The following PIGU variants were observed in gnomAD, a reference collection of about 807,000 sequenced individuals.
PIGU encodes the protein phosphatidylinositol glycan anchor biosynthesis class U.
Under a neutral mutation model 49.9 loss-of-function variants are expected in PIGU, and 24 were observed. That is an observed-to-expected ratio of 0.48 (90% CI 0.35 to 0.68). The LOEUF is 0.68. Among genes scored for constraint, PIGU ranks in the 30% least tolerant of loss-of-function variants. The pLI, the probability that PIGU is intolerant of heterozygous loss-of-function variation, is 0.01. For missense variants in PIGU, 490 were observed against 532.6 expected (o/e 0.92, Z 0.79); for synonymous variants, 220 against 205.7 (o/e 1.07, Z -0.59).
intron 1 of PIGU, among the ~76,000 whole-genome samples, chr20:34,661,704 CAATTTCT>C (rs1286827539): frequency 6.6e-6 from 1 of 152,050 alleles, no homozygotes; most frequent in Non-Finnish European, 1.5e-5. Context: ...TAGGGCAGAA[CAATTTCT>C]ATTCCTTTAG....
intron 7 of PIGU, among the ~76,000 whole-genome samples, chr20:34,612,271 G>A (rs957798552): frequency 6.6e-5 from 10 of 152,050 alleles, no homozygotes; most frequent in Non-Finnish European, 4.4e-5. Context: ...ACCAAACATC[G>A]CATGTTCTTA....
intron 9 of PIGU, 75 bp downstream of exon 9, chr20:34,585,362 A>ACCC: frequency 6.7e-7 from 1 of 1,486,188 alleles, no homozygotes; most frequent in South Asian, 1.2e-5. Context: ...TTTGAAGGCC[A>ACCC]CCCTCAAGGC....
intron 2 of PIGU, among the ~76,000 whole-genome samples, chr20:34,653,902 G>C (rs1051314694): frequency 2.0e-5 from 3 of 151,590 alleles, no homozygotes; most frequent in Non-Finnish European, 4.4e-5. Flanking sequence ...CTGTCACCCA[G>C]GCTGGAGTGC....
intron 2 of PIGU, among the ~76,000 whole-genome samples, chr20:34,651,935 C>T (rs997703480): frequency 2.0e-5 from 3 of 151,978 alleles, no homozygotes; most frequent in African/African-American, 7.3e-5. Context: ...GAGACCCCCC[C>T]CATCTCTACA....
At chr20:34,664,282 C>G (rs947658486) in intron 1 of PIGU, among the ~76,000 whole-genome samples, 4 of 152,180 alleles carry the variant, frequency 2.6e-5, no homozygotes, top group Non-Finnish European at 4.4e-5. Context: ...TCCCAAGTAG[C>G]TGGGACTATA....
At chr20:34,567,446 G>A (rs1300582461) in intron 11 of PIGU, among the ~76,000 whole-genome samples, 1 of 152,078 alleles carries the variant, frequency 6.6e-6, no homozygotes, top group Non-Finnish European at 1.5e-5. Flanking sequence ...CACTTACATG[G>A]CACTTTTCCC....
intron 1 of PIGU, among the ~76,000 whole-genome samples, chr20:34,668,847 T>A (rs1381353041): frequency 1.4e-5 from 2 of 138,460 alleles, no homozygotes; most frequent in Admixed American, 7.4e-5. Context: ...AGAAAAAAAA[T>A]TAGTGAAAAA....
chr20:34,587,636 A>G (rs1485139694), intron 8 of PIGU, among the ~76,000 whole-genome samples: 2 of 152,112 alleles, frequency 1.3e-5, no homozygotes, highest in Non-Finnish European at 2.9e-5. Context: ...CCCTTTGACC[A>G]TTATCTCCCC....
chr20:34,565,834 TCACA>T (rs923151561), intron 11 of PIGU, among the ~76,000 whole-genome samples: 8 of 71,762 alleles, frequency 1.1e-4, no homozygotes, highest in East Asian at 3.8e-4. Flanking sequence ...CGCACTGCAC[TCACA>T]CACAGGTGCA....
chr20:34,620,736 G>T (rs372251819), intron 6 of PIGU, among the ~76,000 whole-genome samples: 4 of 151,294 alleles, frequency 2.6e-5, no homozygotes, highest in African/African-American at 9.7e-5. Context: ...GCGTGAACCC[G>T]GGAGGCAGAG....
intron 1 of PIGU, among the ~76,000 whole-genome samples, chr20:34,658,114 T>A (rs1444917907): frequency 6.6e-6 from 1 of 152,238 alleles, no homozygotes; most frequent in Admixed American, 6.5e-5. Flanking sequence ...TGCCTCAGCC[T>A]GCCCAGTGCC....
chr20:34,615,981 A>T, intron 7 of PIGU, 61 bp downstream of exon 7: 2 of 1,535,574 alleles, frequency 1.3e-6, no homozygotes. Context: ...TTCCCCCAGC[A>T]GGGACCAGGC....
At chr20:34,596,418 G>A (rs944724717) in intron 7 of PIGU, among the ~76,000 whole-genome samples, 2 of 152,060 alleles carry the variant, frequency 1.3e-5, no homozygotes, top group Non-Finnish European at 2.9e-5. Flanking sequence ...AAGGTCTGTC[G>A]TTTAGTTAAT....
chr20:34,603,215 G>A (rs1048991820), intron 7 of PIGU, among the ~76,000 whole-genome samples: 5 of 152,080 alleles, frequency 3.3e-5, no homozygotes, highest in African/African-American at 1.2e-4. Flanking sequence ...AACTTTGGTG[G>A]TGGGTAATGT....
chr20:34,609,727 C>T (rs1306899881), intron 7 of PIGU, among the ~76,000 whole-genome samples: 3 of 152,126 alleles, frequency 2.0e-5, no homozygotes, highest in African/African-American at 7.2e-5. Context: ...TCTTCAAATA[C>T]CCTACCATGA....
intron 2 of PIGU, among the ~76,000 whole-genome samples, chr20:34,646,949 C>A (rs1024731332): frequency 1.6e-4 from 25 of 151,740 alleles, no homozygotes; most frequent in African/African-American, 5.8e-4. Context: ...CTCAGCCTCC[C>A]CAGTAGCTAG....
intron 2 of PIGU, 62 bp from the exon 3 acceptor site, chr20:34,645,396 AGAGTAGAGAGT>A: frequency 6.7e-7 from 1 of 1,485,380 alleles, no homozygotes; most frequent in Non-Finnish European, 8.9e-7. Flanking sequence ...ATCAGTTTCC[AGAGTAGAGAGT>A]GGGGAGAAAA....
chr20:34,640,375 C>T (rs1326705295), intron 4 of PIGU, among the ~76,000 whole-genome samples: 1 of 152,096 alleles, frequency 6.6e-6, no homozygotes, highest in Non-Finnish European at 1.5e-5. Flanking sequence ...CTCATAGGCC[C>T]AATATCAGCT....
intron 1 of PIGU, among the ~76,000 whole-genome samples, chr20:34,676,024 T>TAAAAAAAAAAAAAAAAAAAAAA (rs10711315): frequency 7.5e-6 from 1 of 132,610 alleles, no homozygotes; most frequent in Non-Finnish European, 1.6e-5. Context: ...TGTACTTCAG[T>TAAAAAAAAAAAAAAAAAAAAAA]AAAAAAAAAA....
Sources: gnomAD v4.1 joint callset for allele counts (sites outside exome capture counted in the v4.1 genomes callset) on GRCh38, gnomAD v4.1.1 for gene constraint, MANE v1.5 for transcripts, NCBI Gene and HGNC (gene_info 2026-07-23, HGNC 2026-07-21) for gene names.